Variants in ITPR1 observed in about 807,000 individuals in gnomAD.
ITPR1 encodes inositol 1,4,5-trisphosphate receptor type 1, also known as inositol 1,4,5-trisphosphate-gated calcium channel ITPR1.
A neutral mutation model predicts 318.4 loss-of-function variants in ITPR1; 96 were observed. That is an observed-to-expected ratio of 0.30 (90% CI 0.26 to 0.36). ITPR1 has a LOEUF of 0.36. ITPR1 is among the 10% of genes least tolerant of loss of function. ITPR1 has a pLI of 1.00. For synonymous variants in ITPR1, 1,312 were observed against 1,289.9 expected (o/e 1.02, Z -0.37); for missense variants, 2,440 against 3,460.2 (o/e 0.71, Z 7.40).
intron 54 of ITPR1, among the ~76,000 whole-genome samples, chr3:4,803,941 G>A (rs1206922354): frequency 5.3e-5 from 8 of 151,972 alleles, no homozygotes; most frequent in African/African-American, 1.5e-4. Flanking sequence ...GTACAATCTC[G>A]GCTCACTGCA....
At chr3:4,782,822 GC>G (rs1367867546) in intron 50 of ITPR1, 81 bp downstream of exon 50, 6 of 1,325,242 alleles carry the variant, frequency 4.5e-6, no homozygotes, top group Non-Finnish European at 6.0e-6. Context: ...CCCCAGTCTT[GC>G]TTTTCCTTTA....
intron 46 of ITPR1, among the ~76,000 whole-genome samples, chr3:4,773,213 C>T (rs2046297342): frequency 6.6e-6 from 1 of 152,188 alleles, no homozygotes; most frequent in African/African-American, 2.4e-5. Context: ...CTTTAGACCA[C>T]ATCCTGAAGG....
chr3:4,577,775 G>A (rs972594812), intron 4 of ITPR1, among the ~76,000 whole-genome samples: 13 of 152,198 alleles, frequency 8.5e-5, no homozygotes, highest in African/African-American at 3.1e-4. Context: ...TCTTGACTTC[G>A]CCAACTGTCA....
intron 4 of ITPR1, among the ~76,000 whole-genome samples, chr3:4,568,611 A>G (rs1268143023): frequency 6.6e-6 from 1 of 152,198 alleles, no homozygotes; most frequent in African/African-American, 2.4e-5. Flanking sequence ...GATAGTGACC[A>G]GGTAGACAGA....
chr3:4,755,753 C>T (rs1275120566), intron 44 of ITPR1, among the ~76,000 whole-genome samples: 1 of 152,186 alleles, frequency 6.6e-6, no homozygotes, highest in Non-Finnish European at 1.5e-5. Flanking sequence ...GGGCGTCTGC[C>T]CCACCCTTGC....
intron 4 of ITPR1, among the ~76,000 whole-genome samples, chr3:4,609,089 T>TATATATATATATAC (rs1171860541): frequency 2.9e-4 from 27 of 91,926 alleles, no homozygotes; most frequent in South Asian, 7.6e-4. Flanking sequence ...TATATATATA[T>TATATATATATATAC]ACACACACAC....
chr3:4,666,388 G>A (rs1323841764), intron 17 of ITPR1, among the ~76,000 whole-genome samples: 1 of 152,156 alleles, frequency 6.6e-6, no homozygotes. Context: ...TAGCCAGAGA[G>A]ATTTTATTCT....
intron 26 of ITPR1, among the ~76,000 whole-genome samples, chr3:4,682,856 A>G (rs565214368): frequency 6.7e-6 from 1 of 148,466 alleles, no homozygotes; most frequent in African/African-American, 2.4e-5. Flanking sequence ...GTGCTCAGTT[A>G]TGGAGTAGTC....
At chr3:4,497,330 A>AGTT (rs10654084) in intron 2 of ITPR1, among the ~76,000 whole-genome samples, 136,698 of 152,056 alleles carry the variant, frequency 0.9, 61,478 homozygotes, top group East Asian at 1. Context: ...GACCTGTTCA[A>AGTT]GTTGTGTGCG....
intron 4 of ITPR1, among the ~76,000 whole-genome samples, chr3:4,619,678 C>T (rs190788654): frequency 0.34 from 2,109 of 6,206 alleles, 821 homozygotes; most frequent in African/African-American, 0.69. Flanking sequence ...CTGCTCTCCC[C>T]TGCTCTCCTC....
At chr3:4,700,434 A>G (rs1037847286) in intron 35 of ITPR1, among the ~76,000 whole-genome samples, 14 of 152,234 alleles carry the variant, frequency 9.2e-5, no homozygotes, top group Admixed American at 7.2e-4. Flanking sequence ...AAATGAATAA[A>G]TGAGACTCAG....
At chr3:4,592,672 T>C (rs2090483968) in intron 4 of ITPR1, among the ~76,000 whole-genome samples, 1 of 152,202 alleles carries the variant, frequency 6.6e-6, no homozygotes, top group Admixed American at 6.5e-5. Flanking sequence ...TCCCTCTTAA[T>C]GTCCACACCA....
At chr3:4,697,348 G>GTGTGTC in intron 34 of ITPR1, 76 bp downstream of exon 34, 1 of 1,398,616 alleles carries the variant, frequency 7.1e-7, no homozygotes, top group Non-Finnish European at 9.7e-7. Context: ...GTGTGTGTGT[G>GTGTGTC]TGTGTAGCAT....
chr3:4,712,591 G>A (rs2041462388), intron 39 of ITPR1, among the ~76,000 whole-genome samples: 1 of 152,202 alleles, frequency 6.6e-6, no homozygotes, highest in East Asian at 1.9e-4. Flanking sequence ...TTCTGAGTAG[G>A]TGAATATGCT....
chr3:4,628,767 G>A (rs772382082), intron 5 of ITPR1, among the ~76,000 whole-genome samples: 3 of 152,154 alleles, frequency 2.0e-5, no homozygotes, highest in Admixed American at 2.0e-4. Flanking sequence ...ACAAGGTTGG[G>A]CACTTACCAG....
At chr3:4,750,963 A>G (rs1176592547) in intron 44 of ITPR1, 2 of 152,970 alleles carry the variant, frequency 1.3e-5, no homozygotes, top group African/African-American at 4.8e-5. Flanking sequence ...TCCATGAGAG[A>G]GACCTATCCT....
Position 4,552,018 on chromosome 3 carries a change from A to G in ITPR1, c.163+30924A>G, listed in dbSNP as rs148448180. Among the ~76,000 whole-genome samples the G allele has an allele frequency of 2.6e-5, 4 of 152,298 alleles. No individual in the cohort carries two copies. In the East Asian group the frequency reaches 7.7e-4, roughly 29 times the overall value. On this transcript the variant is annotated intron_variant, in intron 4 of 61. Coordinates refer to ENST00000649015, the MANE Select transcript of ITPR1 (RefSeq NM_001378452.1). ...GTCTCAGGATAGCAGAAGTAATCCC[A>G]TTTGTATTTTTATCTGTTTTGTTTA...
chr3:4,511,011 A>G (rs1190386937), intron 2 of ITPR1, among the ~76,000 whole-genome samples: 1 of 152,060 alleles, frequency 6.6e-6, no homozygotes, highest in Non-Finnish European at 1.5e-5. Context: ...TGAAGGAGGA[A>G]CAGGTTGGGC....
chr3:4,552,762 C>G (rs2085697618), intron 4 of ITPR1, among the ~76,000 whole-genome samples: 1 of 152,196 alleles, frequency 6.6e-6, no homozygotes. Context: ...GCTGGACCCT[C>G]TAATCCTGCC....
Sources: allele counts gnomAD v4.1 joint callset (sites outside exome capture counted in the v4.1 genomes callset), GRCh38; gene constraint gnomAD v4.1.1; transcripts MANE v1.5; gene names NCBI Gene and HGNC (gene_info 2026-07-23, HGNC 2026-07-21).